Variants in EPCIP observed in about 807,000 individuals in gnomAD.
EPCIP encodes exosomal polycystin-1-interacting protein.
At chr21:32,810,901 C>G in the EPCIP span, among the ~76,000 whole-genome samples, 1 of 152,162 alleles carries the variant, frequency 6.6e-6, no homozygotes, top group African/African-American at 2.4e-5. Context: ...GCTAAGCTAG[C>G]TAAATACAGC....
the EPCIP span, among the ~76,000 whole-genome samples, chr21:32,809,311 T>TCC: frequency 6.9e-6 from 1 of 144,654 alleles, no homozygotes; most frequent in Middle Eastern, 3.5e-3. Context: ...TTTCTTTCTT[T>TCC]CTTTCTTTCT....
At chr21:32,801,730 C>G in the EPCIP span, among the ~76,000 whole-genome samples, 2 of 152,150 alleles carry the variant, frequency 1.3e-5, no homozygotes, top group Non-Finnish European at 1.5e-5. Context: ...GTAATCCCAG[C>G]TACTCAGGAA....
At chr21:32,793,195 G>T in the EPCIP span, among the ~76,000 whole-genome samples, 3 of 152,084 alleles carry the variant, frequency 2.0e-5, no homozygotes, top group African/African-American at 4.8e-5. Flanking sequence ...GACCTCAGGT[G>T]ATCCGCCCGC....
chr21:32,807,288 G>A, the EPCIP span, among the ~76,000 whole-genome samples: 1 of 150,136 alleles, frequency 6.7e-6, no homozygotes, highest in African/African-American at 2.4e-5. Flanking sequence ...CCCTACATTT[G>A]CTAAGCCAAT....
the EPCIP span, among the ~76,000 whole-genome samples, chr21:32,806,783 CG>C: frequency 6.6e-6 from 1 of 152,158 alleles, no homozygotes; most frequent in Non-Finnish European, 1.5e-5. Flanking sequence ...TGCCTGGATG[CG>C]GGGCTTCCTT....
chr21:32,793,423 C>T, the EPCIP span: 2 of 414,898 alleles, frequency 4.8e-6, no homozygotes, highest in East Asian at 9.2e-5. Flanking sequence ...TAAGCAGTCT[C>T]TAGGGTGTAT....
At chr21:32,793,842 T>C in the EPCIP span, 1 of 1,614,014 alleles carries the variant, frequency 6.2e-7, no homozygotes, top group East Asian at 2.2e-5. Flanking sequence ...GGAAAGTTGT[T>C]GGCAATGCTG....
chr21:32,807,720 G>A, the EPCIP span: 2 of 152,274 alleles, frequency 1.3e-5, no homozygotes, highest in Non-Finnish European at 2.9e-5. Flanking sequence ...GTATGGCCTA[G>A]ACATGGCAGA....
chr21:32,793,660 G>T, the EPCIP span: 1 of 1,041,412 alleles, frequency 9.6e-7, no homozygotes, highest in Non-Finnish European at 1.5e-6. Flanking sequence ...GAGAGGCACA[G>T]TTGTGGGTAG....
the EPCIP span, among the ~76,000 whole-genome samples, chr21:32,795,843 G>A: frequency 6.6e-6 from 1 of 152,362 alleles, no homozygotes; most frequent in South Asian, 2.1e-4. Context: ...ATGCCAGGAG[G>A]ATAGAAGTAA....
chr21:32,795,636 G>C, the EPCIP span, among the ~76,000 whole-genome samples: 1 of 152,202 alleles, frequency 6.6e-6, no homozygotes, highest in Non-Finnish European at 1.5e-5. Flanking sequence ...GGGAGCCACA[G>C]ATGGAAGGGT....
chr21:32,794,326 G>A, the EPCIP span: 8 of 1,614,110 alleles, frequency 5.0e-6, no homozygotes, highest in East Asian at 2.2e-5. Flanking sequence ...TTGTGAAGAT[G>A]AGCGTGCTGT....
the EPCIP span, chr21:32,798,962 C>T: frequency 6.6e-6 from 1 of 151,612 alleles, no homozygotes; most frequent in African/African-American, 2.4e-5. Context: ...GACTTTGCAA[C>T]CAAAAAATAA....
At chr21:32,809,007 A>G in the EPCIP span, among the ~76,000 whole-genome samples, 9 of 152,058 alleles carry the variant, frequency 5.9e-5, no homozygotes, top group Non-Finnish European at 8.8e-5. Context: ...ACAACTCCAA[A>G]TGAATTCTTC....
At chr21:32,810,701 G>C in the EPCIP span, 2 of 470,776 alleles carry the variant, frequency 4.2e-6, no homozygotes, top group Non-Finnish European at 8.8e-6. Context: ...ACTGAGATAC[G>C]TCTCTAGCTC....
At chr21:32,792,147 G>T in the EPCIP span, among the ~76,000 whole-genome samples, 2 of 152,048 alleles carry the variant, frequency 1.3e-5, no homozygotes, top group Admixed American at 1.3e-4. Context: ...CAGGTGATCC[G>T]CCTGCCTCGG....
At chr21:32,807,912 C>A in the EPCIP span, among the ~76,000 whole-genome samples, 1 of 152,198 alleles carries the variant, frequency 6.6e-6, no homozygotes, top group Non-Finnish European at 1.5e-5. Flanking sequence ...TGCCTTACAA[C>A]TTTCCTGTGA....
the EPCIP span, among the ~76,000 whole-genome samples, chr21:32,799,673 G>A: frequency 4.0e-3 from 607 of 152,272 alleles, 2 homozygotes; most frequent in African/African-American, 0.014. Flanking sequence ...CAGGCATGGT[G>A]GTTCACACCT....
the EPCIP span, among the ~76,000 whole-genome samples, chr21:32,804,619 T>A: frequency 6.6e-6 from 1 of 152,050 alleles, no homozygotes; most frequent in African/African-American, 2.4e-5. Context: ...CAAAGAAATC[T>A]AAAGTAACTG....
Sources: allele counts gnomAD v4.1 joint callset (sites outside exome capture counted in the v4.1 genomes callset), GRCh38; gene constraint gnomAD v4.1.1; transcripts MANE v1.5; gene names NCBI Gene and HGNC (gene_info 2026-07-23, HGNC 2026-07-21).